GPM6A: variants seen among roughly 807,000 people sequenced by gnomAD.
The protein encoded by GPM6A is neuronal membrane glycoprotein M6-a.
In GPM6A, 7 loss-of-function variants were observed where a neutral mutation model predicts 32.1. The ratio of observed to expected loss-of-function variants is 0.22; its 90% confidence interval spans 0.12 to 0.41. The LOEUF is 0.41. Ranked by LOEUF, GPM6A falls within the 10% of genes least tolerant of loss-of-function variation. GPM6A has a pLI of 1.00. For synonymous variants in GPM6A, 130 were observed against 123.4 expected, an observed-to-expected ratio of 1.05 and a Z score of -0.35; for missense variants, 235 against 347.2, an observed-to-expected ratio of 0.68 and a Z score of 2.57.
At chr4:175,932,445 C>G (rs1196110871) in intron 1 of GPM6A, among the ~76,000 whole-genome samples, 1 of 152,186 alleles carries the variant, frequency 6.6e-6, no homozygotes, top group Non-Finnish European at 1.5e-5. Context: ...CTGTGAGCGC[C>G]TTGATCTCGG....
chr4:175,759,280 C>A lies in GPM6A; in HGVS notation c.37+52911G>T, dbSNP rs80040380. 6.3e-3 allele frequency among the ~76,000 whole-genome samples: 954 copies of A among 151,304 alleles called. 9 individuals carry two copies. Among genetic ancestry groups the A allele is most frequent in the African/African-American group, 0.022 (886 of 41,168 alleles). On this transcript the variant is annotated intron_variant, in intron 1 of 6. Transcript: ENST00000393658. ...TTTGATAAAGGGAAACCAAACTAAA[C>A]AGGGGTTTGAGGAATACGGGGGGGG...
At chr4:175,999,762 C>CA (rs968200169) in intron 1 of GPM6A, among the ~76,000 whole-genome samples, 3 of 151,922 alleles carry the variant, frequency 2.0e-5, no homozygotes, top group Non-Finnish European at 4.4e-5. Context: ...CAAAACAAAA[C>CA]AAAAAAACTG....
At chr4:175,812,587 G>C (rs1734974535), upstream of GPM6A, 2 of 1,019,410 alleles carry the variant, frequency 2.0e-6, no homozygotes, top group South Asian at 9.1e-5. Context: ...GAGACACTAT[G>C]ATTCACAAGT....
intron 1 of GPM6A, among the ~76,000 whole-genome samples, chr4:175,719,486 T>C (rs1746008273): frequency 6.6e-6 from 1 of 152,218 alleles, no homozygotes. Context: ...CATCAAAATG[T>C]TATTTCAAAA....
rs923686004 is a variant in GPM6A, at chr4:175,957,604, C to T, written c.-23+44705G>A. ...GGGAGTGATAGCATTAGGAGAAATACGTAATGTAGATGACCGGTTGATGGG... is the reference window on the plus strand; with the variant it reads ...GGGAGTGATAGCATTAGGAGAAATATGTAATGTAGATGACCGGTTGATGGG... On this transcript the variant is annotated intron_variant, in intron 1 of 7. Coordinates refer to the GPM6A transcript ENST00000280187. Among the ~76,000 whole-genome samples, 5 of 152,088 alleles carry T rather than the reference C, an allele frequency of 3.3e-5. No homozygotes were observed. The East Asian group carries it at 5.8e-4, about 18-fold the overall frequency.
At chr4:175,698,741 A>G (rs564694946) in intron 2 of GPM6A, among the ~76,000 whole-genome samples, 25 of 152,290 alleles carry the variant, frequency 1.6e-4, no homozygotes, top group African/African-American at 6.0e-4. Flanking sequence ...TTTGACATTT[A>G]CTTTTATTCC....
intron 1 of GPM6A, among the ~76,000 whole-genome samples, chr4:175,802,604 GTCTTA>G (rs1470890036): frequency 6.6e-6 from 1 of 151,894 alleles, no homozygotes; most frequent in Non-Finnish European, 1.5e-5. Flanking sequence ...CCTAGAAAAG[GTCTTA>G]TCTTATTAAA....
rs564356112 is a variant in GPM6A at position 175,770,806 on chromosome 4, T to C, written c.37+41385A>G. Among the ~76,000 whole-genome samples the C allele has an allele frequency of 9.2e-5, 14 of 152,244 alleles. No individual in the cohort carries two copies. In the South Asian group the frequency reaches 2.9e-3, roughly 32 times the overall value. Reference sequence around the variant, plus strand: ...ATAATATCCAGATATACTTCGATGGTACCTGTGTGGACTGTTTTTACTATC... The same window carrying C: ...ATAATATCCAGATATACTTCGATGGCACCTGTGTGGACTGTTTTTACTATC... On this transcript the variant is annotated intron_variant, in intron 1 of 6. Transcript: ENST00000393658.
chr4:175,871,562 C>A (rs1212734472), intron 1 of GPM6A, among the ~76,000 whole-genome samples: 1 of 152,178 alleles, frequency 6.6e-6, no homozygotes, highest in Admixed American at 6.5e-5. Context: ...TTCCCTTTAA[C>A]CCTGGTCACA....
In GPM6A at chr4:175,640,146, C is replaced by A; in HGVS notation, c.667G>T (p.Ala223Ser). The A allele has an allele frequency of 6.2e-7, 1 of 1,613,094 alleles. No individual in the cohort carries two copies. The highest frequency in any genetic ancestry group is 2.2e-5 in the East Asian group (1 of 44,854). ...GGTCTTACCATAGCAATGACTGCTG[C>A]CCCAGCTCCAGCAAGTGCCACAATA... ...LFIVALAGAG[A>S]AVIAMVHYLM... The change falls in exon 6 of 7, where the codon GCA becomes TCA. Residue 223 changes from alanine (A) to serine (S), a missense_variant. Ala to Ser is a moderately conservative substitution (Grantham distance 99, BLOSUM62 1). This residue lies in a region of GPM6A where 107 missense variants were observed against 116.7 expected (regional missense o/e 0.92). Transcript: ENST00000393658.
intron 1 of GPM6A, among the ~76,000 whole-genome samples, chr4:175,854,462 A>T (rs1023074884): frequency 6.6e-6 from 1 of 152,216 alleles, no homozygotes; most frequent in South Asian, 2.1e-4. Context: ...TTGAATAACT[A>T]GGACTGGATT....
intron 5 of GPM6A, among the ~76,000 whole-genome samples, chr4:175,640,421 A>G (rs1439302219): frequency 1.3e-5 from 2 of 152,212 alleles, no homozygotes; most frequent in Non-Finnish European, 2.9e-5. Context: ...TAAAGATGAG[A>G]CAATGATTAA....
intron 1 of GPM6A, among the ~76,000 whole-genome samples, chr4:175,913,288 G>T (rs1738380411): frequency 6.6e-6 from 1 of 152,114 alleles, no homozygotes; most frequent in African/African-American, 2.4e-5. Flanking sequence ...TGTCTTCCAA[G>T]AATTGTGTCT....
At chr4:175,854,513 A>G (rs945269732) in intron 1 of GPM6A, among the ~76,000 whole-genome samples, 2 of 152,212 alleles carry the variant, frequency 1.3e-5, no homozygotes, top group Non-Finnish European at 2.9e-5. Flanking sequence ...AACAAAATGT[A>G]TGAAACAATT....
At chr4:175,704,948 G>T (rs1285803029) in intron 1 of GPM6A, among the ~76,000 whole-genome samples, 1 of 152,194 alleles carries the variant, frequency 6.6e-6, no homozygotes, top group Non-Finnish European at 1.5e-5. Context: ...GTAAGCTCAT[G>T]ACTGATCACC....
intron 1 of GPM6A, among the ~76,000 whole-genome samples, chr4:175,964,883 A>G (rs1468655360): frequency 6.6e-6 from 1 of 152,206 alleles, no homozygotes; most frequent in Middle Eastern, 3.2e-3. Flanking sequence ...AAAACAAAAC[A>G]ATCCTTAATA....
chr4:175,839,800 G>C (rs1735881157), intron 1 of GPM6A, among the ~76,000 whole-genome samples: 2 of 151,996 alleles, frequency 1.3e-5, no homozygotes, highest in African/African-American at 4.8e-5. Flanking sequence ...ATTCCAAAGA[G>C]TTTCTTGATG....
Position 175,701,604 on chromosome 4 carries a change from A to T in GPM6A, c.201T>A (p.Thr67=). ...ILQTYFEMAR[T]AGDTLDVFTM... ...TAAAAACATCCAGTGTGTCTCCAGCAGTTCTTGCCATCTCAAAGTAGGTTT... is the reference window on the plus strand; with the variant it reads ...TAAAAACATCCAGTGTGTCTCCAGCTGTTCTTGCCATCTCAAAGTAGGTTT... The change falls in exon 2 of 7, where the codon ACT becomes ACA. Residue 67 remains threonine (T), a synonymous_variant. Transcript: ENST00000393658. The T allele has an allele frequency of 4.3e-6, 7 of 1,613,896 alleles. No individual in the cohort carries two copies. The highest frequency in any genetic ancestry group is 5.9e-6 in the Non-Finnish European group (7 of 1,179,768).
chr4:175,948,726 T>C (rs936014439), intron 1 of GPM6A, among the ~76,000 whole-genome samples: 3 of 149,198 alleles, frequency 2.0e-5, no homozygotes, highest in African/African-American at 7.8e-5. Context: ...ATAATTGTGA[T>C]TCTGTCTTTT....
Sources: gnomAD v4.1 joint callset for allele counts (sites outside exome capture counted in the v4.1 genomes callset) on GRCh38, gnomAD v4.1.1 for gene constraint, gnomAD v4.1.1 regional missense constraint, MANE v1.5 for transcripts, NCBI Gene and HGNC (gene_info 2026-07-23, HGNC 2026-07-21) for gene names.